NLGN4Y: variants seen among roughly 807,000 people sequenced by gnomAD.
NLGN4Y encodes neuroligin-4, Y-linked.
Under a neutral mutation model 8.4 loss-of-function variants are expected in NLGN4Y, and 4 were observed. The observed-to-expected ratio is 0.48, with a 90% CI of 0.23 to 1.09. NLGN4Y has a LOEUF of 1.09. Among genes scored for constraint, NLGN4Y ranks in the 50% least tolerant of loss-of-function variants. The pLI, the probability that NLGN4Y is intolerant of heterozygous loss-of-function variation, is 0.19. For synonymous variants in NLGN4Y, 35 were observed against 75.6 expected, an observed-to-expected ratio of 0.46 and a Z score of 2.78; for missense variants, 90 against 192.3, an observed-to-expected ratio of 0.47 and a Z score of 3.15.
intron 4 of NLGN4Y, among the ~76,000 whole-genome samples, chrY:14,793,379 A>G: frequency 3.0e-5 from 1 of 33,365 alleles, no homozygotes; most frequent in Non-Finnish European, 7.4e-5. Flanking sequence ...AATATCCCCC[A>G]CATCTTCATC....
chrY:14,648,223 A>G, intron 2 of NLGN4Y, among the ~76,000 whole-genome samples: 1 of 33,213 alleles, frequency 3.0e-5, no homozygotes, highest in African/African-American at 1.2e-4. Flanking sequence ...GCGTGACTAA[A>G]ATGGTTAAAC....
intron 1 of NLGN4Y, among the ~76,000 whole-genome samples, chrY:14,552,764 G>A (rs749565389): frequency 3.0e-5 from 1 of 33,372 alleles, no homozygotes; most frequent in South Asian, 6.6e-4. Context: ...AGGTATTAAT[G>A]GAACGTATCT....
intron 4 of NLGN4Y, among the ~76,000 whole-genome samples, chrY:14,735,844 G>C: frequency 3.0e-5 from 1 of 33,735 alleles, no homozygotes; most frequent in Non-Finnish European, 7.3e-5. Flanking sequence ...TGGAATAAAA[G>C]TGACTCTTGC....
intron 1 of NLGN4Y, among the ~76,000 whole-genome samples, chrY:14,545,175 T>C: frequency 3.0e-5 from 1 of 33,433 alleles, no homozygotes; most frequent in Non-Finnish European, 7.4e-5. Flanking sequence ...TAATCCAGTC[T>C]ATCATTGTTG....
intron 2 of NLGN4Y, among the ~76,000 whole-genome samples, chrY:14,702,311 C>A: frequency 6.3e-5 from 2 of 31,606 alleles, no homozygotes; most frequent in Admixed American, 3.0e-4. Context: ...ATTCCTACCC[C>A]CTACCCCCAC....
At chrY:14,674,194 A>G in intron 2 of NLGN4Y, among the ~76,000 whole-genome samples, 1 of 31,090 alleles carries the variant, frequency 3.2e-5, no homozygotes. Flanking sequence ...ATAAAAAAAA[A>G]TGGCATAAAC....
At chrY:14,732,535 C>T (rs2080976237) in intron 4 of NLGN4Y, among the ~76,000 whole-genome samples, 1 of 33,854 alleles carries the variant, frequency 3.0e-5, no homozygotes, top group Non-Finnish European at 7.3e-5. Context: ...TAAGAGAATC[C>T]CCGGGATCTG....
At chrY:14,536,714 C>T in intron 1 of NLGN4Y, among the ~76,000 whole-genome samples, 1 of 31,610 alleles carries the variant, frequency 3.2e-5, no homozygotes, top group East Asian at 8.2e-4. Flanking sequence ...CTGGAAAACC[C>T]TATATGTACA....
intron 1 of NLGN4Y, among the ~76,000 whole-genome samples, chrY:14,610,560 G>T: frequency 3.0e-5 from 1 of 33,171 alleles, no homozygotes; most frequent in Non-Finnish European, 7.5e-5. Flanking sequence ...TTACACTGTT[G>T]TCTGAGAGAT....
chrY:14,618,363 C>T, intron 1 of NLGN4Y, among the ~76,000 whole-genome samples: 1 of 31,959 alleles, frequency 3.1e-5, no homozygotes, highest in Non-Finnish European at 7.6e-5. Flanking sequence ...GTCAGTGCCC[C>T]ATCCTACTTC....
At chrY:14,743,671 C>CAA in intron 4 of NLGN4Y, among the ~76,000 whole-genome samples, 1 of 32,399 alleles carries the variant, frequency 3.1e-5, no homozygotes, top group Middle Eastern at 0.013. Flanking sequence ...TAAGTGGAGA[C>CAA]TCCATGTCTT....
At chrY:14,769,130 A>T (rs777648482) in intron 4 of NLGN4Y, among the ~76,000 whole-genome samples, 1 of 33,064 alleles carries the variant, frequency 3.0e-5, no homozygotes, top group African/African-American at 1.2e-4. Context: ...ATGCATAAAA[A>T]TTTTTCTCAA....
intron 1 of NLGN4Y, among the ~76,000 whole-genome samples, chrY:14,533,695 A>G (rs1043489542): frequency 9.2e-5 from 3 of 32,767 alleles, no homozygotes; most frequent in Non-Finnish European, 2.2e-4. Flanking sequence ...CCAGCCATCT[A>G]GGTTTTAAGC....
intron 1 of NLGN4Y, among the ~76,000 whole-genome samples, chrY:14,612,629 GAACA>G (rs2080474032): frequency 3.0e-5 from 1 of 33,648 alleles, no homozygotes; most frequent in Non-Finnish European, 7.4e-5. Context: ...AGAAGCTGCA[GAACA>G]GCAAAGATTG....
At chrY:14,535,001 G>A in intron 1 of NLGN4Y, among the ~76,000 whole-genome samples, 2 of 33,095 alleles carry the variant, frequency 6.0e-5, no homozygotes, top group African/African-American at 2.4e-4. Context: ...GACTACTATC[G>A]TTGATGAGCA....
Position 14,608,531 on chromosome Y carries a change from C to T in NLGN4Y, c.-111-13478C>T. On this transcript the variant is annotated intron_variant, in intron 1 of 6. Transcript: ENST00000684976. ...ATGGTTGTAGATGTGGGTGTTATTT[C>T]TGAGGCCTCTGTTCTGTTCCATTGG... is the stretch of plus-strand genomic sequence containing the variant. Among the ~76,000 whole-genome samples the T allele has an allele frequency of 9.3e-5, 3 of 32,291 alleles. No homozygotes were observed. In the East Asian group the frequency reaches 2.4e-3, roughly 26 times the overall value. 86.6% of individuals were successfully genotyped at this position (32,291 alleles called of 37,273 possible).
chrY:14,679,193 A>G, intron 2 of NLGN4Y, among the ~76,000 whole-genome samples: 1 of 32,274 alleles, frequency 3.1e-5, no homozygotes, highest in African/African-American at 1.2e-4. Flanking sequence ...TCTTTTTGTA[A>G]TTGTTGCATT....
At chrY:14,560,914 G>C in intron 1 of NLGN4Y, among the ~76,000 whole-genome samples, 1 of 33,092 alleles carries the variant, frequency 3.0e-5, no homozygotes, top group Non-Finnish European at 7.5e-5. Context: ...ATAAACTTTT[G>C]AGTTTCTGTT....
intron 2 of NLGN4Y, among the ~76,000 whole-genome samples, chrY:14,711,016 A>G (rs1004811899): frequency 3.0e-4 from 10 of 33,808 alleles, no homozygotes; most frequent in Admixed American, 8.1e-4. Flanking sequence ...ATTCCCTTAA[A>G]ACAATAAGCA....
Sources: gnomAD v4.1 joint callset for allele counts (sites outside exome capture counted in the v4.1 genomes callset) on GRCh38, gnomAD v4.1.1 for gene constraint, MANE v1.5 for transcripts, NCBI Gene and HGNC (gene_info 2026-07-23, HGNC 2026-07-21) for gene names.